CLEC16A: variants seen among roughly 807,000 people sequenced by gnomAD.
CLEC16A encodes protein CLEC16A.
In CLEC16A, 51 loss-of-function variants were observed where a neutral mutation model predicts 109.5. That is an observed-to-expected ratio of 0.47 (90% confidence interval 0.37 to 0.59). CLEC16A has a LOEUF of 0.59. Among genes scored for constraint, CLEC16A ranks in the 20% least tolerant of loss-of-function variants. The probability of loss-of-function intolerance (pLI) is 0.00; values close to 1 mark genes in which losing one functional copy is unlikely to be tolerated. For missense variants in CLEC16A, 1,339 were observed against 1,394.0 expected, an observed-to-expected ratio of 0.96 and a Z score of 0.63; for synonymous variants, 673 against 564.2, an observed-to-expected ratio of 1.19 and a Z score of -2.73.
intron 4 of CLEC16A, 117 bp from the exon 5 acceptor site, chr16:10,971,008 A>ATTTTTTTTTTTTTTTTTTTTTTTTTTT: frequency 3.9e-6 from 2 of 506,592 alleles, no homozygotes; most frequent in Non-Finnish European, 3.5e-6. Context: ...CATTGGCAAC[A>ATTTTTTTTTTTTTTTTTTTTTTTTTTT]TTTTTTTTTT....
chr16:11,076,134 C>T (rs2049360950), intron 19 of CLEC16A, among the ~76,000 whole-genome samples: 1 of 152,120 alleles, frequency 6.6e-6, no homozygotes. Context: ...TCCACACCAA[C>T]AGCCAGTAGA....
At chr16:11,039,600 A>T (rs1366026941) in intron 13 of CLEC16A, among the ~76,000 whole-genome samples, 154 bp from the exon 14 acceptor site, 1 of 152,142 alleles carries the variant, frequency 6.6e-6, no homozygotes, top group African/African-American at 2.4e-5. Context: ...TGTCTCTATT[A>T]AAAACTAAAA....
At chr16:11,150,923 A>G (rs2054269147) in intron 22 of CLEC16A, among the ~76,000 whole-genome samples, 1 of 152,118 alleles carries the variant, frequency 6.6e-6, no homozygotes, top group African/African-American at 2.4e-5. Flanking sequence ...TCTTCACGTG[A>G]TGTTCTACCT....
chr16:11,109,148 C>T (rs1240237690), intron 19 of CLEC16A, among the ~76,000 whole-genome samples: 3 of 146,058 alleles, frequency 2.1e-5, no homozygotes, highest in Non-Finnish European at 4.5e-5. Flanking sequence ...GAGCAGGGGC[C>T]TTGATTCAAA....
At chr16:11,003,864 G>A (rs1419847976) in intron 11 of CLEC16A, among the ~76,000 whole-genome samples, 2 of 151,672 alleles carry the variant, frequency 1.3e-5, no homozygotes, top group African/African-American at 2.4e-5. Context: ...GCCGAGTGCA[G>A]TGGCTCACAC....
At chr16:11,171,275 C>A (rs1052175321) in intron 23 of CLEC16A, among the ~76,000 whole-genome samples, 3 of 152,212 alleles carry the variant, frequency 2.0e-5, no homozygotes, top group African/African-American at 7.2e-5. Context: ...GAGGCTCCCT[C>A]CGTGTGCAGC....
At chr16:10,964,528 G>A (rs747803809) in intron 3 of CLEC16A, among the ~76,000 whole-genome samples, 6 of 152,220 alleles carry the variant, frequency 3.9e-5, no homozygotes, top group Non-Finnish European at 5.9e-5. Flanking sequence ...GGGCGTGAGC[G>A]TGAGAGCAGG....
intron 1 of CLEC16A, among the ~76,000 whole-genome samples, chr16:10,948,933 G>T (rs1260374277): frequency 6.6e-6 from 1 of 152,186 alleles, no homozygotes; most frequent in Non-Finnish European, 1.5e-5. Flanking sequence ...AATTGAGATT[G>T]AGTATCCCTG....
At chr16:11,038,331 C>T (rs1223662446) in intron 13 of CLEC16A, among the ~76,000 whole-genome samples, 6 of 152,144 alleles carry the variant, frequency 3.9e-5, no homozygotes, top group African/African-American at 1.2e-4. Flanking sequence ...CACCTTTCCC[C>T]CTTTTGTAGA....
intron 20 of CLEC16A, among the ~76,000 whole-genome samples, chr16:11,121,447 A>G (rs969967770): frequency 1.3e-5 from 2 of 152,226 alleles, no homozygotes; most frequent in African/African-American, 4.8e-5. Context: ...ATACCACTCT[A>G]AAATGATTGT....
At chr16:11,019,567 G>C (rs972389239) in intron 11 of CLEC16A, among the ~76,000 whole-genome samples, 1 of 152,148 alleles carries the variant, frequency 6.6e-6, no homozygotes, top group Non-Finnish European at 1.5e-5. Flanking sequence ...TCAGGAATTC[G>C]AGACCAGCCT....
At chr16:11,170,966 T>A (rs1223524634) in intron 23 of CLEC16A, among the ~76,000 whole-genome samples, 2 of 152,256 alleles carry the variant, frequency 1.3e-5, no homozygotes, top group East Asian at 3.9e-4. Context: ...GAGGCCCTGG[T>A]CCGTGAGGAA....
At position 11,067,195 on chromosome 16, in the gene CLEC16A, T is replaced by C. The variant is rs551597315; in HGVS notation, c.2116+6173T>C. On this transcript the variant is annotated intron_variant, in intron 19 of 23. Transcript: ENST00000409790. ...TTTTTTTTTGTTTGTTTTTGTTTTTTTTTTTTTTTTTTTTTAAAAAAAGCA... is the reference window on the plus strand; with the variant it reads ...TTTTTTTTTGTTTGTTTTTGTTTTTCTTTTTTTTTTTTTTTAAAAAAAGCA... Among the ~76,000 whole-genome samples, 609 of 147,372 alleles carry C rather than the reference T, an allele frequency of 4.1e-3. 5 individuals are homozygous for C. The highest frequency in any genetic ancestry group is 0.032 in the East Asian group (162 of 5,054).
intron 19 of CLEC16A, among the ~76,000 whole-genome samples, chr16:11,111,196 C>T (rs2051563051): frequency 6.6e-6 from 1 of 152,124 alleles, no homozygotes; most frequent in Admixed American, 6.5e-5. Context: ...AGTAACCAAC[C>T]ACATATATTA....
At chr16:10,953,379 A>G (rs2041828169) in intron 1 of CLEC16A, among the ~76,000 whole-genome samples, 1 of 152,240 alleles carries the variant, frequency 6.6e-6, no homozygotes, top group African/African-American at 2.4e-5. Flanking sequence ...TCAGTTCCAG[A>G]TGTACTCAAA....
At chr16:10,979,246 A>C in intron 8 of CLEC16A, 83 bp from the exon 9 acceptor site, 4 of 1,306,670 alleles carry the variant, frequency 3.1e-6, no homozygotes, top group Non-Finnish European at 4.3e-6. Context: ...TTGTTCACAC[A>C]GAAGGCTTTT....
chr16:11,178,957 T>A lies in CLEC16A; in HGVS notation c.*267T>A. 2.5e-6 allele frequency: 1 copy of A among 402,036 alleles called. No individual in the cohort carries two copies. The highest frequency in any genetic ancestry group is 7.3e-5 in the South Asian group (1 of 13,776). 24.9% of individuals were successfully genotyped at this position (402,036 alleles called of 1,614,324 possible). A position where few individuals can be genotyped will look rare whatever the true frequency, so the allele number is the denominator to read the frequency against. On this transcript the variant is annotated 3_prime_UTR_variant, in exon 24 of 24. Transcript: ENST00000409790. The surrounding 1 kb of genome is among the most constrained non-coding windows in gnomAD (Gnocchi z 6.5). ...TGACTGCACCGGCCACTCAGGGAGC[T>A]GCCTGGGCTCCGTGTCTCTGAGCCC...
chr16:10,945,920 G>A (rs995276008), intron 1 of CLEC16A, among the ~76,000 whole-genome samples: 1 of 152,090 alleles, frequency 6.6e-6, no homozygotes, highest in African/African-American at 2.4e-5. Flanking sequence ...AGACTGCTTG[G>A]TTTGTTCACA....
intron 11 of CLEC16A, among the ~76,000 whole-genome samples, chr16:11,009,869 G>A (rs974664271): frequency 1.3e-5 from 2 of 152,108 alleles, no homozygotes; most frequent in Non-Finnish European, 2.9e-5. Context: ...TAAAGAATAT[G>A]GTGGCCAGGC....
Sources: allele counts gnomAD v4.1 joint callset (sites outside exome capture counted in the v4.1 genomes callset), GRCh38; gene constraint gnomAD v4.1.1; non-coding constraint Gnocchi (gnomAD v3.1); transcripts MANE v1.5; gene names NCBI Gene and HGNC (gene_info 2026-07-23, HGNC 2026-07-21).